The following IREB2 variants were observed in gnomAD, a reference collection of about 807,000 sequenced individuals.
IREB2 encodes iron-responsive element-binding protein 2.
IREB2 carries 39 observed loss-of-function variants against 118.8 expected under a neutral mutation model. That is an observed-to-expected ratio of 0.33 (90% confidence interval 0.25 to 0.43). The LOEUF (loss-of-function observed/expected upper bound fraction) is 0.43. Among genes scored for constraint, IREB2 ranks in the 20% least tolerant of loss-of-function variants. IREB2 has a pLI of 1.00. For missense variants in IREB2, 900 were observed against 1,147.3 expected (o/e 0.78, Z 3.11); for synonymous variants, 372 against 392.2 (o/e 0.95, Z 0.61).
At chr15:78,463,157 G>A (rs1428756910) in intron 3 of IREB2, 70 bp downstream of exon 3, 2 of 1,317,222 alleles carry the variant, frequency 1.5e-6, no homozygotes, top group South Asian at 2.9e-5. Flanking sequence ...ACAGACTCTT[G>A]GGTAGGTGTG....
intron 6 of IREB2, 56 bp downstream of exon 6, chr15:78,470,657 C>T (rs1595999937): frequency 4.5e-6 from 2 of 440,076 alleles, no homozygotes; most frequent in South Asian, 2.9e-5. Flanking sequence ...ATGATAGGTA[C>T]AATTTTTATA....
intron 3 of IREB2, among the ~76,000 whole-genome samples, chr15:78,464,717 C>T (rs1200400081): frequency 6.6e-6 from 1 of 152,136 alleles, no homozygotes; most frequent in Non-Finnish European, 1.5e-5. Context: ...ATAGTACTTA[C>T]GATACTATTC....
In IREB2 at chr15:78,463,037, C is replaced by T. The variant is rs375824453; in HGVS notation, c.222C>T (p.Ser74=). 1 of 1,611,688 alleles carries T rather than the reference C, an allele frequency of 6.2e-7. No homozygotes were observed. Among genetic ancestry groups the T allele is most frequent in the Non-Finnish European group, 8.5e-7 (1 of 1,179,390 alleles). ...TTTTAGACTGGAAAACCAAACAAAG[C>T]AATGTTGAAGTGCCCTTTTTCCCTG... ...MNILDWKTKQ[S]NVEVPFFPAR... The change falls in exon 3 of 22, where the codon AGC becomes AGT. Residue 74 remains serine (S), a synonymous_variant. Coordinates refer to ENST00000258886, the MANE Select transcript of IREB2 (RefSeq NM_004136.4).
At position 78,497,183 on chromosome 15, in the gene IREB2, G is replaced by C; in HGVS notation, c.2653G>C (p.Gly885Arg). The change falls in exon 21 of 22, where the codon GGA (glycine) becomes CGA (arginine). Residue 885 changes from glycine to arginine, a missense_variant. Transcript: ENST00000258886. ...YEKIHKDHLI[G>R]IGIAPLQFLP... ...AAAAATACACAAAGATCATTTGATT[G>C]GAATTGGCATAGCTCCACTTCAGTT... The C allele has an allele frequency of 6.2e-7, 1 of 1,613,862 alleles. No individual in the cohort carries two copies. Among genetic ancestry groups the C allele is most frequent in the African/African-American group, 1.3e-5 (1 of 75,016 alleles).
intron 2 of IREB2, among the ~76,000 whole-genome samples, chr15:78,455,694 A>G (rs2051094494): frequency 6.6e-6 from 1 of 152,248 alleles, no homozygotes. Context: ...TAAGGGTTAA[A>G]TGGAATAATT....
intron 18 of IREB2, among the ~76,000 whole-genome samples, chr15:78,491,335 G>T (rs1876123993): frequency 6.6e-6 from 1 of 152,110 alleles, no homozygotes; most frequent in Admixed American, 6.6e-5. Flanking sequence ...ATCATGTAGA[G>T]TTGCCCTGTT....
intron 2 of IREB2, among the ~76,000 whole-genome samples, chr15:78,460,286 C>T (rs938995618): frequency 6.6e-6 from 1 of 152,118 alleles, no homozygotes; most frequent in African/African-American, 2.4e-5. Context: ...TAACAAAGTA[C>T]TTTTGTCTAT....
intron 2 of IREB2, among the ~76,000 whole-genome samples, chr15:78,458,965 G>T (rs563641269): frequency 1.3e-5 from 2 of 151,984 alleles, no homozygotes; most frequent in African/African-American, 2.4e-5. Flanking sequence ...TACCTGGCTA[G>T]TTTTTTGTAT....
intron 2 of IREB2, among the ~76,000 whole-genome samples, chr15:78,456,918 C>T (rs987489465): frequency 2.6e-5 from 4 of 151,940 alleles, no homozygotes; most frequent in African/African-American, 7.3e-5. Flanking sequence ...CTTGATTTTC[C>T]GATTTTAGAC....
chr15:78,476,284 A>G lies in IREB2; in HGVS notation c.1120A>G (p.Met374Val). 2 of 1,610,242 alleles carry G rather than the reference A, an allele frequency of 1.2e-6. No homozygotes were observed. The highest frequency in any genetic ancestry group is 8.5e-7 in the Non-Finnish European group (1 of 1,177,050). Residue 374 changes from methionine to valine, a missense_variant, in exon 9 of 22, where the codon ATG (methionine) becomes GTG (valine). Physicochemically the swap from Met to Val is conservative, Grantham distance 21. Transcript: ENST00000258886. ...SIVDRTTIANMCPEYGAILSF... is the reference protein window; with the variant it reads ...SIVDRTTIANVCPEYGAILSF... ...AGTTGATCGAACTACAATAGCAAAC[A>G]TGTGTCCGGAATATGGTGCTATCCT...
rs1034113381 is a variant in IREB2, at chr15:78,499,228, G to GATAAA, written c.*1087_*1091dup. ...TGTTTTAACCAAAGCTGACCGTAAG[G>GATAAA]ATAAAACACTTAAGTTGTTGCTGAG... On this transcript the variant is annotated 3_prime_UTR_variant, in exon 22 of 22. Transcript: ENST00000258886. The GATAAA allele has an allele frequency of 6.6e-6, 1 of 152,128 alleles. No homozygotes were observed. Among genetic ancestry groups the GATAAA allele is most frequent in the African/African-American group, 2.4e-5 (1 of 41,428 alleles). The allele number at this position is 152,128 out of a possible 1,614,324, so 9.4% of individuals were successfully genotyped here.
chr15:78,442,659 A>G (rs2050861816), intron 2 of IREB2, among the ~76,000 whole-genome samples: 1 of 152,242 alleles, frequency 6.6e-6, no homozygotes, highest in African/African-American at 2.4e-5. Context: ...CAATGACTTT[A>G]AGAAATACGA....
In IREB2 at chr15:78,501,007, A is replaced by C. The variant is rs1387675701; in HGVS notation, c.*2864A>C. 3 of 152,208 alleles carry C rather than the reference A, an allele frequency of 2.0e-5. No homozygotes were observed. Among genetic ancestry groups the C allele is most frequent in the African/African-American group, 7.2e-5 (3 of 41,436 alleles). 9.4% of individuals were successfully genotyped at this position (152,208 alleles called of 1,614,324 possible). A position where few individuals can be genotyped will look rare whatever the true frequency, so the allele number is the denominator to read the frequency against. ...AGTGATGAGTGAGAGGATGAGAAGA[A>C]ATTATTTGACATTTTTCTGTGGTTG... On this transcript the variant is annotated 3_prime_UTR_variant, in exon 22 of 22. Coordinates refer to ENST00000258886, the MANE Select transcript of IREB2 (RefSeq NM_004136.4).
At chr15:78,459,491 A>G (rs1378640844) in intron 2 of IREB2, among the ~76,000 whole-genome samples, 1 of 152,140 alleles carries the variant, frequency 6.6e-6, no homozygotes, top group Non-Finnish European at 1.5e-5. Flanking sequence ...CTTGGATTAC[A>G]GGTGCATGCC....
At chr15:78,438,113 T>G, upstream of IREB2, 3 of 548,586 alleles carry the variant, frequency 5.5e-6, no homozygotes, top group Non-Finnish European at 9.9e-6. Flanking sequence ...CTCCGCCCCT[T>G]CCCTTTCTTT....
At chr15:78,438,512 C>T (rs1404908747) in intron 1 of IREB2, 156 bp downstream of exon 1, 7 of 824,650 alleles carry the variant, frequency 8.5e-6, no homozygotes, top group Non-Finnish European at 2.0e-6. Context: ...CTGGGCCGCC[C>T]TTTGAGCCTA....
At chr15:78,483,229 T>TA in intron 10 of IREB2, 89 bp from the exon 11 acceptor site, 1 of 642,632 alleles carries the variant, frequency 1.6e-6, no homozygotes, top group East Asian at 2.6e-5. Context: ...CGAATATACT[T>TA]ACTCTGCTTT....
intron 2 of IREB2, 118 bp downstream of exon 2, chr15:78,439,999 A>T: frequency 1.5e-6 from 1 of 664,344 alleles, no homozygotes; most frequent in South Asian, 1.8e-5. Flanking sequence ...AGGTACACCT[A>T]CACATACCTA....
At chr15:78,461,531 A>G (rs1486620802) in intron 2 of IREB2, among the ~76,000 whole-genome samples, 2 of 152,252 alleles carry the variant, frequency 1.3e-5, no homozygotes, top group East Asian at 1.9e-4. Flanking sequence ...TACTTTTAAC[A>G]TACTTTGAGC....
Sources: gnomAD v4.1 joint callset for allele counts (sites outside exome capture counted in the v4.1 genomes callset) on GRCh38, gnomAD v4.1.1 for gene constraint, MANE v1.5 for transcripts, NCBI Gene and HGNC (gene_info 2026-07-23, HGNC 2026-07-21) for gene names.